Variants in ZNRF2 observed in about 807,000 individuals in gnomAD.
ZNRF2 encodes E3 ubiquitin-protein ligase ZNRF2.
ZNRF2 carries 16 observed loss-of-function variants against 20.4 expected under a neutral mutation model. The observed-to-expected ratio is 0.79, with a 90% CI of 0.53 to 1.19. The LOEUF (loss-of-function observed/expected upper bound fraction) is 1.19, where lower values mean the gene tolerates loss of function less well. ZNRF2 is among the 50% of genes most tolerant of loss of function. ZNRF2 has a pLI of 0.00. For synonymous variants in ZNRF2, 178 were observed against 144.9 expected, an observed-to-expected ratio of 1.23 and a Z score of -1.64; for missense variants, 363 against 332.4, an observed-to-expected ratio of 1.09 and a Z score of -0.72.
intron 2 of ZNRF2, among the ~76,000 whole-genome samples, chr7:30,342,809 T>C (rs1799817108): frequency 6.6e-6 from 1 of 152,156 alleles, no homozygotes; most frequent in Non-Finnish European, 1.5e-5. Context: ...GTGGTTTTTT[T>C]TAGATGAGGT....
chr7:30,317,450 T>A (rs1398140298), intron 1 of ZNRF2, among the ~76,000 whole-genome samples: 1 of 152,222 alleles, frequency 6.6e-6, no homozygotes, highest in East Asian at 1.9e-4. Flanking sequence ...TGATCTGGGC[T>A]TGAAGGGATG....
chr7:30,333,296 C>T lies in ZNRF2; in HGVS notation c.565+9559C>T, dbSNP rs185499667. On this transcript the variant is annotated intron_variant, in intron 2 of 4. Coordinates refer to ENST00000323037, the MANE Select transcript of ZNRF2 (RefSeq NM_147128.4). Reference sequence around the variant, plus strand: ...CTCGAACTCCTGACCTCAGGTGATCCGCCCACCATGGCCTCCCAAAAGGCT... The same window carrying T: ...CTCGAACTCCTGACCTCAGGTGATCTGCCCACCATGGCCTCCCAAAAGGCT... 1.4e-3 allele frequency among the ~76,000 whole-genome samples: 200 copies of T among 147,934 alleles called. 1 individual carries two copies. The highest frequency in any genetic ancestry group is 4.7e-3 in the African/African-American group (189 of 39,822).
At chr7:30,353,148 G>A (rs1419482103) in intron 2 of ZNRF2, among the ~76,000 whole-genome samples, 1 of 152,122 alleles carries the variant, frequency 6.6e-6, no homozygotes, top group Admixed American at 6.6e-5. Context: ...CATTTGCTAT[G>A]TGAAGCTGTA....
At chr7:30,354,630 CCCTG>C (rs1800009633) in intron 2 of ZNRF2, among the ~76,000 whole-genome samples, 1 of 152,142 alleles carries the variant, frequency 6.6e-6, no homozygotes, top group Non-Finnish European at 1.5e-5. Context: ...TAGAAAATGT[CCCTG>C]CCTTTCTGTT....
intron 2 of ZNRF2, among the ~76,000 whole-genome samples, 169 bp from the exon 3 acceptor site, chr7:30,355,559 C>T (rs1302887853): frequency 1.3e-5 from 2 of 152,140 alleles, no homozygotes; most frequent in Non-Finnish European, 2.9e-5. Flanking sequence ...ATTATTCAGT[C>T]ATTTATGAAT....
intron 4 of ZNRF2, among the ~76,000 whole-genome samples, chr7:30,362,994 G>T (rs1165666177): frequency 1.3e-5 from 2 of 152,190 alleles, no homozygotes; most frequent in African/African-American, 2.4e-5. Flanking sequence ...GGTGGCGGGT[G>T]CCTGTAGTCC....
At chr7:30,327,246 C>A (rs1799566753) in intron 2 of ZNRF2, among the ~76,000 whole-genome samples, 1 of 152,018 alleles carries the variant, frequency 6.6e-6, no homozygotes, top group African/African-American at 2.4e-5. Flanking sequence ...AGTTGTCTTC[C>A]AGGGTTTTTA....
chr7:30,319,252 T>G (rs548725336), intron 1 of ZNRF2, among the ~76,000 whole-genome samples: 8 of 152,136 alleles, frequency 5.3e-5, no homozygotes, highest in Non-Finnish European at 1.0e-4. Context: ...CTGTACTGTT[T>G]TAAGAATTTA....
In ZNRF2 at chr7:30,366,824, C is replaced by G. The variant is rs1289859643; in HGVS notation, c.*812C>G. 2 of 152,486 alleles carry G rather than the reference C, an allele frequency of 1.3e-5. No individual in the cohort carries two copies. The highest frequency in any genetic ancestry group is 2.9e-5 in the Non-Finnish European group (2 of 67,950). The allele number at this position is 152,486 out of a possible 1,614,324, so 9.4% of individuals were successfully genotyped here. On this transcript the variant is annotated 3_prime_UTR_variant, in exon 5 of 5. Coordinates refer to ENST00000323037, the MANE Select transcript of ZNRF2 (RefSeq NM_147128.4). ...TAATCAGCAGTGAATCATCTTGCAG[C>G]TATGCAATTTAAAAAAAATACAGAT...
intron 1 of ZNRF2, among the ~76,000 whole-genome samples, chr7:30,292,220 T>A (rs999602995): frequency 6.6e-6 from 1 of 152,256 alleles, no homozygotes; most frequent in African/African-American, 2.4e-5. Context: ...AGTGTTCTTG[T>A]TAACATTCAG....
intron 3 of ZNRF2, among the ~76,000 whole-genome samples, chr7:30,357,529 A>G (rs896115204): frequency 7.2e-5 from 11 of 152,180 alleles, no homozygotes; most frequent in South Asian, 4.1e-4. Flanking sequence ...CAAGTTTCTT[A>G]CTTAAGAAAT....
intron 2 of ZNRF2, among the ~76,000 whole-genome samples, chr7:30,343,192 A>G (rs532322312): frequency 6.6e-6 from 1 of 152,062 alleles, no homozygotes; most frequent in Non-Finnish European, 1.5e-5. Context: ...GTGCATGCCA[A>G]TAGTCGCAGC....
intron 2 of ZNRF2, among the ~76,000 whole-genome samples, chr7:30,334,678 T>C (rs1487201610): frequency 6.6e-6 from 1 of 152,204 alleles, no homozygotes; most frequent in Non-Finnish European, 1.5e-5. Context: ...TCTATAAGTC[T>C]TGCATGACAG....
intron 1 of ZNRF2, among the ~76,000 whole-genome samples, chr7:30,316,288 C>CAAAAA (rs60218988): frequency 0.013 from 360 of 27,542 alleles, 14 homozygotes; most frequent in Non-Finnish European, 0.017. Flanking sequence ...AACTCCATCT[C>CAAAAA]AAAAAAAAAA....
At chr7:30,304,369 A>G (rs1393750341) in intron 1 of ZNRF2, among the ~76,000 whole-genome samples, 2 of 152,230 alleles carry the variant, frequency 1.3e-5, no homozygotes. Context: ...TTTCTAGGGA[A>G]ATGCAAACTG....
At chr7:30,347,183 C>T (rs746525955) in intron 2 of ZNRF2, among the ~76,000 whole-genome samples, 3 of 152,044 alleles carry the variant, frequency 2.0e-5, no homozygotes, top group Non-Finnish European at 1.5e-5. Flanking sequence ...TATAATGTTA[C>T]GAGTTACAGA....
At chr7:30,304,181 C>T (rs913138571) in intron 1 of ZNRF2, among the ~76,000 whole-genome samples, 1 of 152,178 alleles carries the variant, frequency 6.6e-6, no homozygotes, top group Non-Finnish European at 1.5e-5. Flanking sequence ...CCAGTCTCCT[C>T]TCCTTTTCTG....
chr7:30,340,631 T>C (rs957803059), intron 2 of ZNRF2, among the ~76,000 whole-genome samples: 1 of 152,178 alleles, frequency 6.6e-6, no homozygotes, highest in Non-Finnish European at 1.5e-5. Flanking sequence ...GCTGCTGGAT[T>C]CAGTTTTCCA....
At chr7:30,334,239 A>G (rs1562616054) in intron 2 of ZNRF2, among the ~76,000 whole-genome samples, 2 of 152,112 alleles carry the variant, frequency 1.3e-5, no homozygotes, top group African/African-American at 4.8e-5. Context: ...AGCACCCTTT[A>G]TTGAACAGGG....
Sources: gnomAD v4.1 joint callset for allele counts (sites outside exome capture counted in the v4.1 genomes callset) on GRCh38, gnomAD v4.1.1 for gene constraint, MANE v1.5 for transcripts, NCBI Gene and HGNC (gene_info 2026-07-23, HGNC 2026-07-21) for gene names.